SUPT3H: variants seen among roughly 807,000 people sequenced by gnomAD.
SUPT3H encodes the protein SPT3 homolog, SAGA and STAGA complex component, also known as transcription initiation protein SPT3 homolog.
SUPT3H carries 44 observed loss-of-function variants against 44.3 expected under a neutral mutation model. The ratio of observed to expected loss-of-function variants is 0.99; its 90% CI spans 0.78 to 1.28. The LOEUF is 1.28. SUPT3H is among the 50% of genes most tolerant of loss of function. SUPT3H has a pLI of 0.00. For synonymous variants in SUPT3H, 124 were observed against 125.6 expected, an observed-to-expected ratio of 0.99 and a Z score of 0.09; for missense variants, 380 against 387.1, an observed-to-expected ratio of 0.98 and a Z score of 0.15.
chr6:45,106,207 G>C (rs1799251673), intron 2 of SUPT3H, among the ~76,000 whole-genome samples: 1 of 152,150 alleles, frequency 6.6e-6, no homozygotes, highest in Non-Finnish European at 1.5e-5. Flanking sequence ...CGGAGCGGGA[G>C]GATCACTTGA....
At chr6:44,839,744 C>G (rs1037614389) in intron 10 of SUPT3H, among the ~76,000 whole-genome samples, 2 of 152,040 alleles carry the variant, frequency 1.3e-5, no homozygotes, top group African/African-American at 2.4e-5. Context: ...CTCTGTCGCC[C>G]AGGCTGGAGT....
chr6:45,137,687 A>G (rs1804532206), intron 2 of SUPT3H, among the ~76,000 whole-genome samples: 1 of 151,996 alleles, frequency 6.6e-6, no homozygotes, highest in Non-Finnish European at 1.5e-5. Context: ...TGTAAACTAA[A>G]AAATATTTAT....
At chr6:45,097,924 C>T (rs1798021563) in intron 3 of SUPT3H, 1 of 152,580 alleles carries the variant, frequency 6.6e-6, no homozygotes, top group African/African-American at 2.4e-5. Context: ...AGTATTCTTG[C>T]AGAAAAATCA....
intron 2 of SUPT3H, among the ~76,000 whole-genome samples, chr6:45,185,834 A>G (rs1814116501): frequency 6.6e-6 from 1 of 152,230 alleles, no homozygotes; most frequent in Non-Finnish European, 1.5e-5. Flanking sequence ...GGCAGTGTCA[A>G]GCAGGGCTAC....
At chr6:45,168,432 A>T (rs1195927380) in intron 2 of SUPT3H, among the ~76,000 whole-genome samples, 1 of 152,162 alleles carries the variant, frequency 6.6e-6, no homozygotes, top group Non-Finnish European at 1.5e-5. Context: ...ATTGGCACTC[A>T]TGTCTCCCCA....
At chr6:45,174,033 G>A (rs1811270520) in intron 2 of SUPT3H, among the ~76,000 whole-genome samples, 1 of 152,224 alleles carries the variant, frequency 6.6e-6, no homozygotes, top group East Asian at 1.9e-4. Flanking sequence ...ATCTCACCCA[G>A]TAATTCTTTC....
intron 3 of SUPT3H, among the ~76,000 whole-genome samples, chr6:45,086,733 A>G (rs1484993578): frequency 1.3e-5 from 2 of 151,974 alleles, no homozygotes; most frequent in African/African-American, 4.8e-5. Flanking sequence ...AGTAACCAGA[A>G]AAACTGTGCA....
At chr6:45,255,827 T>C (rs1475931236) in intron 2 of SUPT3H, among the ~76,000 whole-genome samples, 1 of 152,176 alleles carries the variant, frequency 6.6e-6, no homozygotes, top group Non-Finnish European at 1.5e-5. Context: ...TTCGCAGATA[T>C]GTGCAACTAT....
intron 3 of SUPT3H, among the ~76,000 whole-genome samples, chr6:45,088,287 T>G (rs1356669028): frequency 6.6e-6 from 1 of 152,044 alleles, no homozygotes; most frequent in Non-Finnish European, 1.5e-5. Context: ...GTATAAGGCA[T>G]GACATGCTAA....
intron 10 of SUPT3H, among the ~76,000 whole-genome samples, chr6:44,927,946 TA>T (rs1335892636): frequency 6.6e-6 from 1 of 152,210 alleles, no homozygotes; most frequent in Non-Finnish European, 1.5e-5. Context: ...TTATGTCTTT[TA>T]AAAAATATAC....
In SUPT3H at chr6:45,120,714, T is replaced by C. The variant is rs184923394; in HGVS notation, c.102-14708A>G. Among the ~76,000 whole-genome samples, 697 of 152,242 alleles carry C rather than the reference T, an allele frequency of 4.6e-3. 2 individuals carry two copies. The highest frequency in any genetic ancestry group is 7.5e-3 in the Non-Finnish European group (509 of 68,004). ...AAAAGCAAATAACTGGCTTCCTCTA[T>C]TCATGCAAATAGCTGTTTGCCACAT... On this transcript the variant is annotated intron_variant, in intron 2 of 10. Coordinates refer to ENST00000371459, the MANE Select transcript of SUPT3H (RefSeq NM_003599.4).
chr6:44,890,305 C>A (rs1233679779), intron 10 of SUPT3H, among the ~76,000 whole-genome samples: 1 of 150,876 alleles, frequency 6.6e-6, no homozygotes, highest in Admixed American at 6.6e-5. Flanking sequence ...AAGACACATG[C>A]ACACATATGT....
At chr6:45,128,555 T>TAC (rs1271230567) in intron 2 of SUPT3H, among the ~76,000 whole-genome samples, 22 of 58,278 alleles carry the variant, frequency 3.8e-4, no homozygotes, top group African/African-American at 1.6e-3. Flanking sequence ...TATATATATA[T>TAC]ATACACACAC....
chr6:45,043,157 ACACACACACACACG>A (rs1788831567), intron 3 of SUPT3H, among the ~76,000 whole-genome samples: 1 of 151,504 alleles, frequency 6.6e-6, no homozygotes, highest in South Asian at 2.1e-4. Context: ...ACACACACAC[ACACACACACACACG>A]CACACACACA....
At chr6:44,934,222 T>C (rs532920183) in intron 9 of SUPT3H, among the ~76,000 whole-genome samples, 10 of 152,144 alleles carry the variant, frequency 6.6e-5, no homozygotes, top group Non-Finnish European at 1.0e-4. Context: ...TTTGGCAAAA[T>C]CTTATAAAAA....
At chr6:45,371,393 A>AT (rs1796047776) in intron 1 of SUPT3H, among the ~76,000 whole-genome samples, 1 of 137,414 alleles carries the variant, frequency 7.3e-6, no homozygotes, top group African/African-American at 2.6e-5. Context: ...GTATTAGCTC[A>AT]CTTTTTTTTT....
intron 10 of SUPT3H, among the ~76,000 whole-genome samples, chr6:44,884,948 G>A (rs11524119): frequency 0.34 from 51,237 of 151,956 alleles, 9,573 homozygotes; most frequent in Admixed American, 0.42. Flanking sequence ...AAAAAACGGC[G>A]CACCAGGAGA....
chr6:44,831,558 G>A (rs1762298472), intron 10 of SUPT3H, among the ~76,000 whole-genome samples: 1 of 152,126 alleles, frequency 6.6e-6, no homozygotes, highest in African/African-American at 2.4e-5. Flanking sequence ...AATACTCTTA[G>A]CTTCTTGACC....
chr6:45,130,786 C>T (rs569998350), intron 2 of SUPT3H, among the ~76,000 whole-genome samples: 39 of 139,466 alleles, frequency 2.8e-4, no homozygotes, highest in African/African-American at 8.1e-4. Flanking sequence ...GGCATGATCT[C>T]GGCTCACCGC....
Sources: gnomAD v4.1 joint callset for allele counts (sites outside exome capture counted in the v4.1 genomes callset) on GRCh38, gnomAD v4.1.1 for gene constraint, MANE v1.5 for transcripts, NCBI Gene and HGNC (gene_info 2026-07-23, HGNC 2026-07-21) for gene names.